ASIC2: variants seen among roughly 807,000 people sequenced by gnomAD.
ASIC2 encodes acid-sensing ion channel 2.
ASIC2 carries 25 observed loss-of-function variants against 57.3 expected under a neutral mutation model. The ratio of observed to expected loss-of-function variants is 0.44; its 90% CI spans 0.32 to 0.61. The LOEUF is 0.61. ASIC2 is among the 20% of genes least tolerant of loss of function. ASIC2 has a pLI of 0.06. For missense variants in ASIC2, 641 were observed against 738.1 expected (o/e 0.87, Z 1.52); for synonymous variants, 319 against 307.5 (o/e 1.04, Z -0.39).
At chr17:33,589,752 T>G (rs1376842579) in intron 1 of ASIC2, among the ~76,000 whole-genome samples, 3 of 152,184 alleles carry the variant, frequency 2.0e-5, no homozygotes, top group Admixed American at 2.0e-4. Context: ...ACACACCACA[T>G]TTTGTTTAGC....
chr17:33,027,805 T>C (rs1598241172), intron 4 of ASIC2, among the ~76,000 whole-genome samples: 1 of 152,258 alleles, frequency 6.6e-6, no homozygotes, highest in African/African-American at 2.4e-5. Flanking sequence ...TATGTGCACA[T>C]TTATTTGCTG....
At chr17:34,081,360 G>A (rs1299682856) in intron 1 of ASIC2, among the ~76,000 whole-genome samples, 1 of 152,156 alleles carries the variant, frequency 6.6e-6, no homozygotes, top group Admixed American at 6.5e-5. Flanking sequence ...ATCCTTAGAA[G>A]TGATAGAAAA....
chr17:33,047,523 A>G (rs1390915672), intron 3 of ASIC2, among the ~76,000 whole-genome samples: 3 of 151,914 alleles, frequency 2.0e-5, no homozygotes, highest in African/African-American at 7.3e-5. Context: ...TATTTTTTGT[A>G]GAGACAGGGT....
chr17:33,030,816 T>C (rs1469615682), intron 3 of ASIC2, among the ~76,000 whole-genome samples: 1 of 152,124 alleles, frequency 6.6e-6, no homozygotes, highest in Admixed American at 6.6e-5. Flanking sequence ...TGGTATTGAT[T>C]GATCTGAAGA....
chr17:34,062,111 C>T lies in ASIC2; in HGVS notation c.555+93867G>A, dbSNP rs368100716. 1.1e-4 allele frequency among the ~76,000 whole-genome samples: 17 copies of T among 152,150 alleles called. No individual in the cohort carries two copies. The East Asian group carries it at 2.5e-3, about 22-fold the overall frequency. On this transcript the variant is annotated intron_variant, in intron 1 of 9. Coordinates refer to the ASIC2 transcript ENST00000359872. ...GCATGGAACTTTCTCCAAGATAGACCATATAATAGGACATAAAACGAGCCT... is the reference window on the plus strand; with the variant it reads ...GCATGGAACTTTCTCCAAGATAGACTATATAATAGGACATAAAACGAGCCT...
intron 1 of ASIC2, among the ~76,000 whole-genome samples, chr17:33,910,505 A>G (rs1915438887): frequency 6.6e-6 from 1 of 152,162 alleles, no homozygotes; most frequent in African/African-American, 2.4e-5. Flanking sequence ...TGATGGAAAC[A>G]TCTCATCCCC....
Position 33,578,466 on chromosome 17 carries a change from A to G in ASIC2, c.556-466399T>C, listed in dbSNP as rs144488708. 2.8e-4 allele frequency among the ~76,000 whole-genome samples: 42 copies of G among 152,326 alleles called. No individual in the cohort carries two copies. The East Asian group carries it at 5.0e-3, about 18-fold the overall frequency. ...CATTTACACCTTAGTATGAATAAAGACTGAACAAAGTAAAATGGGTGGGCG... is the reference window on the plus strand; with the variant it reads ...CATTTACACCTTAGTATGAATAAAGGCTGAACAAAGTAAAATGGGTGGGCG... On this transcript the variant is annotated intron_variant, in intron 1 of 9. Coordinates refer to the ASIC2 transcript ENST00000359872.
chr17:34,092,068 A>G (rs1227048156), intron 1 of ASIC2, among the ~76,000 whole-genome samples: 2 of 152,186 alleles, frequency 1.3e-5, no homozygotes, highest in Non-Finnish European at 2.9e-5. Flanking sequence ...AGATGCCAGG[A>G]AAGAACTGTG....
chr17:34,095,663 A>ATATATATATATATATAATTT (rs1567818973), intron 1 of ASIC2, among the ~76,000 whole-genome samples: 72 of 100,918 alleles, frequency 7.1e-4, no homozygotes, highest in Non-Finnish European at 1.1e-3. Context: ...ATAATTTTAT[A>ATATATATATATATATAATTT]TATATATAGA....
chr17:33,265,988 TG>T (rs1196679559), intron 1 of ASIC2, among the ~76,000 whole-genome samples: 1 of 152,222 alleles, frequency 6.6e-6, no homozygotes, highest in African/African-American at 2.4e-5. Context: ...TCCTGTCCCA[TG>T]GCCATGGTGG....
intron 1 of ASIC2, among the ~76,000 whole-genome samples, chr17:33,408,857 A>G (rs971297586): frequency 1.3e-5 from 2 of 152,222 alleles, no homozygotes; most frequent in Non-Finnish European, 2.9e-5. Flanking sequence ...GAGAGAGGAC[A>G]GGGTAAATAA....
chr17:34,116,198 A>G (rs1156988332), intron 1 of ASIC2, among the ~76,000 whole-genome samples: 1 of 152,222 alleles, frequency 6.6e-6, no homozygotes, highest in Admixed American at 6.5e-5. Flanking sequence ...GACCAAGATT[A>G]CAGTTGCATT....
chr17:33,826,068 G>T (rs1912899472), intron 1 of ASIC2, among the ~76,000 whole-genome samples: 1 of 152,192 alleles, frequency 6.6e-6, no homozygotes, highest in African/African-American at 2.4e-5. Context: ...GTTGAATTAT[G>T]ATGATTCTCT....
At chr17:33,841,408 G>A (rs1464364888) in intron 1 of ASIC2, among the ~76,000 whole-genome samples, 1 of 152,194 alleles carries the variant, frequency 6.6e-6, no homozygotes, top group African/African-American at 2.4e-5. Flanking sequence ...CAGGCTTTAA[G>A]CCTAAAGTGC....
At chr17:33,566,261 T>G (rs1270967667) in intron 1 of ASIC2, among the ~76,000 whole-genome samples, 1 of 152,192 alleles carries the variant, frequency 6.6e-6, no homozygotes, top group Non-Finnish European at 1.5e-5. Flanking sequence ...TTGGTTTTAG[T>G]GTTAAGATTC....
chr17:33,998,686 C>T (rs1906239406), intron 1 of ASIC2, among the ~76,000 whole-genome samples: 1 of 151,338 alleles, frequency 6.6e-6, no homozygotes, highest in South Asian at 2.1e-4. Flanking sequence ...TTCACTTTTC[C>T]TGCTGGTTTT....
At chr17:34,045,373 TAAAAGAA>T (rs1198659791) in intron 1 of ASIC2, among the ~76,000 whole-genome samples, 3 of 152,208 alleles carry the variant, frequency 2.0e-5, no homozygotes, top group Non-Finnish European at 2.9e-5. Context: ...TTAACACTCT[TAAAAGAA>T]GATAATTAAA....
At chr17:33,842,354 C>G (rs1013187965) in intron 1 of ASIC2, among the ~76,000 whole-genome samples, 1 of 152,186 alleles carries the variant, frequency 6.6e-6, no homozygotes, top group East Asian at 1.9e-4. Context: ...CTAGATTCCC[C>G]AGCTCGGGAC....
chr17:33,171,819 T>C (rs1005321778), intron 1 of ASIC2, among the ~76,000 whole-genome samples: 4 of 152,188 alleles, frequency 2.6e-5, no homozygotes, highest in Non-Finnish European at 5.9e-5. Context: ...GGCCCCCTTT[T>C]AGTAACTTGT....
Sources: allele counts gnomAD v4.1 joint callset (sites outside exome capture counted in the v4.1 genomes callset), GRCh38; gene constraint gnomAD v4.1.1; transcripts MANE v1.5; gene names NCBI Gene and HGNC (gene_info 2026-07-23, HGNC 2026-07-21).